Variants in ANKRD17 observed in about 807,000 individuals in gnomAD.
ANKRD17 encodes ankyrin repeat domain-containing protein 17.
ANKRD17 carries 19 observed loss-of-function variants against 229.7 expected under a neutral mutation model. The ratio of observed to expected loss-of-function variants is 0.08; its 90% confidence interval spans 0.06 to 0.12. The LOEUF is 0.12. Among genes scored for constraint, ANKRD17 ranks in the 10% least tolerant of loss-of-function variants. ANKRD17 has a pLI of 1.00. For missense variants in ANKRD17, 2,176 were observed against 3,176.8 expected (o/e 0.68, Z 7.57); for synonymous variants, 1,112 against 1,146.1 (o/e 0.97, Z 0.60).
At chr4:73,170,256 AG>A (rs1733802166) in intron 2 of ANKRD17, among the ~76,000 whole-genome samples, 2 of 152,126 alleles carry the variant, frequency 1.3e-5, no homozygotes, top group South Asian at 4.2e-4. Context: ...ATAGGGCACC[AG>A]TCAGATTCGT....
intron 15 of ANKRD17, among the ~76,000 whole-genome samples, chr4:73,137,058 T>C (rs1427405388): frequency 6.6e-6 from 1 of 150,878 alleles, no homozygotes; most frequent in African/African-American, 2.4e-5. Context: ...AAATCAATTA[T>C]CTCATCATTT....
At chr4:73,122,039 A>G (rs1051499038) in intron 18 of ANKRD17, among the ~76,000 whole-genome samples, 1 of 152,170 alleles carries the variant, frequency 6.6e-6, no homozygotes, top group Non-Finnish European at 1.5e-5. Flanking sequence ...TTGGAAATTA[A>G]TATTTGTTAT....
chr4:73,085,861 C>T (rs928448999), intron 29 of ANKRD17, among the ~76,000 whole-genome samples: 16 of 150,320 alleles, frequency 1.1e-4, no homozygotes, highest in African/African-American at 1.5e-4. Context: ...TTTGGTGGTG[C>T]GTGTTTGTAG....
intron 2 of ANKRD17, among the ~76,000 whole-genome samples, chr4:73,163,243 T>C (rs962721554): frequency 2.0e-5 from 3 of 152,056 alleles, no homozygotes; most frequent in Non-Finnish European, 2.9e-5. Context: ...GCCTGGCACC[T>C]ACATATTTTA....
intron 1 of ANKRD17, among the ~76,000 whole-genome samples, chr4:73,257,714 A>T (rs1745581732): frequency 6.6e-6 from 1 of 152,086 alleles, no homozygotes; most frequent in South Asian, 2.1e-4. Context: ...GTTACGAAAA[A>T]CCCTGCAGAA....
chr4:73,128,222 T>C (rs1727727737), intron 16 of ANKRD17, among the ~76,000 whole-genome samples: 2 of 152,266 alleles, frequency 1.3e-5, no homozygotes, highest in Admixed American at 1.3e-4. Context: ...CTGGTAGATA[T>C]GTGCTTTAAA....
intron 10 of ANKRD17, among the ~76,000 whole-genome samples, chr4:73,145,277 G>A (rs931506011): frequency 8.5e-5 from 13 of 152,066 alleles, no homozygotes; most frequent in African/African-American, 3.1e-4. Context: ...CCATCTCTAT[G>A]AATTTTAGTA....
chr4:73,120,871 T>G lies in ANKRD17; in HGVS notation c.3849+10A>C. 2 of 1,606,372 alleles carry G rather than the reference T, an allele frequency of 1.2e-6. No individual in the cohort carries two copies. The highest frequency in any genetic ancestry group is 8.5e-7 in the Non-Finnish European group (1 of 1,175,586). ...ATAAATTCATGTGTAAATCTCAGAC[T>G]TTTTCTTACCTTAGCTCTGTGTTCA... On this transcript the variant is annotated intron_variant, in intron 20 of 33. Coordinates refer to ENST00000358602, the MANE Select transcript of ANKRD17 (RefSeq NM_032217.5).
At chr4:73,147,195 TAAACA>T in intron 9 of ANKRD17, 41 bp downstream of exon 9, 2 of 1,476,640 alleles carry the variant, frequency 1.4e-6, no homozygotes, top group Non-Finnish European at 1.8e-6. Flanking sequence ...CATTTTTACT[TAAACA>T]AATCATGTAA....
intron 14 of ANKRD17, 57 bp from the exon 15 acceptor site, chr4:73,140,340 G>A: frequency 6.6e-7 from 1 of 1,512,996 alleles, no homozygotes; most frequent in Non-Finnish European, 8.8e-7. Context: ...TCATTACAGA[G>A]TTACTGTTGG....
chr4:73,160,408 A>G (rs1467240745), intron 3 of ANKRD17, among the ~76,000 whole-genome samples: 1 of 152,020 alleles, frequency 6.6e-6, no homozygotes, highest in Non-Finnish European at 1.5e-5. Context: ...TAGTAGAGAC[A>G]GGGTTTCTCC....
intron 1 of ANKRD17, among the ~76,000 whole-genome samples, chr4:73,239,352 T>C (rs1560775599): frequency 6.6e-6 from 1 of 152,156 alleles, no homozygotes; most frequent in South Asian, 2.1e-4. Context: ...AAAGTCCACT[T>C]CAGTATTGTT....
chr4:73,115,693 C>A, intron 23 of ANKRD17, 128 bp downstream of exon 23: 1 of 644,122 alleles, frequency 1.6e-6, no homozygotes. Flanking sequence ...TCGCATACTT[C>A]ATTCCCAAAT....
At position 73,258,609 on chromosome 4, in the gene ANKRD17, G is replaced by A. The variant is rs1745712964; in HGVS notation, c.60C>T (p.Pro20=). The A allele has an allele frequency of 3.4e-6, 5 of 1,479,390 alleles. No individual in the cohort carries two copies. Among genetic ancestry groups the A allele is most frequent in the Non-Finnish European group, 4.4e-6 (5 of 1,125,116 alleles). The allele number at this position is 1,479,390 out of a possible 1,614,324, so 91.6% of individuals were successfully genotyped here. ...GGCCCGCCACAGCCGCCACCGCCGG[G>A]GGGCTCCCTTCTCCTTCTGCAGCCG... ...AATAAEGEGS[P]PAVAAVAGPP... is the part of the protein sequence containing the mutation. The change falls in exon 1 of 34, where the codon CCC becomes CCT. Residue 20 remains proline, a synonymous_variant. Transcript: ENST00000358602.
intron 1 of ANKRD17, among the ~76,000 whole-genome samples, chr4:73,206,931 C>T (rs1739545822): frequency 6.6e-6 from 1 of 152,128 alleles, no homozygotes; most frequent in Admixed American, 6.6e-5. Context: ...TCAAGTGATT[C>T]TCCAGCCTCA....
At chr4:73,220,414 T>C (rs1387399291) in intron 1 of ANKRD17, among the ~76,000 whole-genome samples, 1 of 152,132 alleles carries the variant, frequency 6.6e-6, no homozygotes, top group Non-Finnish European at 1.5e-5. Flanking sequence ...TTTAATCCCT[T>C]ACCTTGGACT....
chr4:73,250,813 T>G (rs1744953393), intron 1 of ANKRD17, among the ~76,000 whole-genome samples: 1 of 151,532 alleles, frequency 6.6e-6, no homozygotes, highest in Non-Finnish European at 1.5e-5. Flanking sequence ...TTAAAGCAAT[T>G]CTCCTGCCTC....
intron 1 of ANKRD17, among the ~76,000 whole-genome samples, chr4:73,229,337 AACTAATTTAT>A (rs991373184): frequency 1.1e-4 from 17 of 152,290 alleles, no homozygotes; most frequent in African/African-American, 3.8e-4. Flanking sequence ...AAAAAAGTTG[AACTAATTTAT>A]ACTGACAGTG....
At chr4:73,121,484 A>G in intron 19 of ANKRD17, 133 bp downstream of exon 19, 1 of 1,083,838 alleles carries the variant, frequency 9.2e-7, no homozygotes, top group South Asian at 1.4e-5. Flanking sequence ...TCATCTCAAA[A>G]ATCTCTAACA....
Sources: allele counts gnomAD v4.1 joint callset (sites outside exome capture counted in the v4.1 genomes callset), GRCh38; gene constraint gnomAD v4.1.1; transcripts MANE v1.5; gene names NCBI Gene and HGNC (gene_info 2026-07-23, HGNC 2026-07-21).